NWD2: variants seen among roughly 807,000 people sequenced by gnomAD.
The protein encoded by NWD2 is NACHT and WD repeat domain-containing protein 2.
In NWD2, 37 loss-of-function variants were observed where a neutral mutation model predicts 132.7. That is an observed-to-expected ratio of 0.28 (90% confidence interval 0.21 to 0.37). The LOEUF (loss-of-function observed/expected upper bound fraction) is 0.37. Among genes scored for constraint, NWD2 ranks in the 10% least tolerant of loss-of-function variants. NWD2 has a pLI of 1.00. For synonymous variants in NWD2, 705 were observed against 803.0 expected (o/e 0.88, Z 2.06); for missense variants, 1,592 against 2,122.4 (o/e 0.75, Z 4.91).
chr4:37,260,629 A>G (rs545563793), intron 1 of NWD2, among the ~76,000 whole-genome samples: 18 of 152,348 alleles, frequency 1.2e-4, no homozygotes, highest in African/African-American at 3.4e-4. Flanking sequence ...AAGGAATACA[A>G]CAAAGTTTGT....
chr4:37,401,979 T>C (rs1720906317), intron 3 of NWD2, among the ~76,000 whole-genome samples: 1 of 152,236 alleles, frequency 6.6e-6, no homozygotes, highest in African/African-American at 2.4e-5. Context: ...GTGATGATAT[T>C]AAGAGCTGGG....
At chr4:37,270,113 C>A (rs1577650094) in intron 1 of NWD2, among the ~76,000 whole-genome samples, 1 of 151,622 alleles carries the variant, frequency 6.6e-6, no homozygotes, top group East Asian at 1.9e-4. Flanking sequence ...GTTTATATAT[C>A]TTCTTCTGAG....
intron 1 of NWD2, among the ~76,000 whole-genome samples, chr4:37,272,108 G>T (rs1390741313): frequency 6.6e-6 from 1 of 151,628 alleles, no homozygotes; most frequent in Non-Finnish European, 1.5e-5. Flanking sequence ...GTACATTTTT[G>T]ATTTTCAAAT....
chr4:37,271,577 A>G (rs1422558133), intron 1 of NWD2, among the ~76,000 whole-genome samples: 1 of 151,814 alleles, frequency 6.6e-6, no homozygotes, highest in Non-Finnish European at 1.5e-5. Flanking sequence ...TTATGAGTTC[A>G]AATAATTCTT....
chr4:37,379,057 T>G (rs552664353), intron 3 of NWD2, among the ~76,000 whole-genome samples: 1 of 152,218 alleles, frequency 6.6e-6, no homozygotes, highest in Non-Finnish European at 1.5e-5. Flanking sequence ...CTTGATAATC[T>G]GGACTCCTCA....
chr4:37,287,853 A>G (rs1269091067), intron 1 of NWD2, among the ~76,000 whole-genome samples: 1 of 152,244 alleles, frequency 6.6e-6, no homozygotes, highest in African/African-American at 2.4e-5. Flanking sequence ...ATGAAGATAC[A>G]TGCACACATA....
At chr4:37,289,630 C>T (rs185877029) in intron 1 of NWD2, among the ~76,000 whole-genome samples, 123 of 152,262 alleles carry the variant, frequency 8.1e-4, no homozygotes, top group Non-Finnish European at 1.4e-3. Flanking sequence ...TATTTGTTTA[C>T]GGTTCTCTTC....
chr4:37,434,879 G>A (rs1168012769), intron 5 of NWD2, among the ~76,000 whole-genome samples: 1 of 151,754 alleles, frequency 6.6e-6, no homozygotes, highest in Non-Finnish European at 1.5e-5. Context: ...TTCTGGGCGA[G>A]ATGGGAAGCC....
At chr4:37,291,817 AT>A (rs1365710810) in intron 1 of NWD2, among the ~76,000 whole-genome samples, 5 of 152,216 alleles carry the variant, frequency 3.3e-5, no homozygotes, top group Non-Finnish European at 7.3e-5. Context: ...CAAATATATG[AT>A]AATCAAAATA....
chr4:37,364,854 A>G (rs1199266881), intron 3 of NWD2, among the ~76,000 whole-genome samples: 2 of 152,176 alleles, frequency 1.3e-5, no homozygotes. Flanking sequence ...AGAGAGCTAC[A>G]TTTTGAACGG....
At chr4:37,423,813 C>G (rs1196314784) in intron 3 of NWD2, among the ~76,000 whole-genome samples, 1 of 152,140 alleles carries the variant, frequency 6.6e-6, no homozygotes, top group Non-Finnish European at 1.5e-5. Flanking sequence ...CATCACATCC[C>G]CATTTCTCCA....
intron 2 of NWD2, among the ~76,000 whole-genome samples, chr4:37,346,267 G>T (rs1395897897): frequency 1.3e-5 from 2 of 152,114 alleles, no homozygotes; most frequent in Non-Finnish European, 2.9e-5. Context: ...TGTCAAAAAG[G>T]TTATGGATGT....
intron 2 of NWD2, among the ~76,000 whole-genome samples, chr4:37,326,812 C>T (rs1282781383): frequency 2.0e-5 from 3 of 152,160 alleles, no homozygotes; most frequent in Non-Finnish European, 4.4e-5. Flanking sequence ...GTCTGTGGTG[C>T]AGAAGTGCAA....
rs1252915394 is a variant in NWD2, at chr4:37,310,881, G to T, written c.152-15055G>T. On this transcript the variant is annotated intron_variant, in intron 1 of 6. Coordinates refer to ENST00000309447, the MANE Select transcript of NWD2 (RefSeq NM_001144990.2). ...TCCCACCTATGAGTGAGAACCTGCA[G>T]TGTTTGGTTTTTTGTCCTTGCTATA... 2.0e-5 allele frequency among the ~76,000 whole-genome samples: 3 copies of T among 147,258 alleles called. No individual in the cohort carries two copies. The Admixed American group carries it at 2.1e-4, about 10-fold the overall frequency.
chr4:37,306,495 AGGTTAG>A (rs1275526376), intron 1 of NWD2, among the ~76,000 whole-genome samples: 2 of 152,046 alleles, frequency 1.3e-5, no homozygotes, highest in African/African-American at 4.8e-5. Context: ...TCTATCCCAT[AGGTTAG>A]GATATTTTTC....
intron 1 of NWD2, among the ~76,000 whole-genome samples, chr4:37,324,433 C>G (rs963561432): frequency 1.3e-5 from 2 of 151,728 alleles, no homozygotes; most frequent in African/African-American, 2.4e-5. Flanking sequence ...AATCTAAGGG[C>G]TTTTAGAGAG....
At chr4:37,300,070 A>T (rs1334770718) in intron 1 of NWD2, among the ~76,000 whole-genome samples, 2 of 152,036 alleles carry the variant, frequency 1.3e-5, no homozygotes, top group Admixed American at 6.6e-5. Context: ...CCTCCTTCAT[A>T]CCTGGGAAAG....
intron 3 of NWD2, among the ~76,000 whole-genome samples, chr4:37,409,922 G>T (rs568900382): frequency 2.7e-4 from 41 of 152,202 alleles, no homozygotes; most frequent in Admixed American, 2.6e-3. Flanking sequence ...CATAAGAAAA[G>T]GAGAAATAAA....
chr4:37,287,364 T>G (rs972195371), intron 1 of NWD2, among the ~76,000 whole-genome samples: 3 of 152,202 alleles, frequency 2.0e-5, no homozygotes, highest in African/African-American at 7.2e-5. Context: ...CAGCCAGCAC[T>G]GGGACTCATA....
Sources: allele counts gnomAD v4.1 joint callset (sites outside exome capture counted in the v4.1 genomes callset), GRCh38; gene constraint gnomAD v4.1.1; transcripts MANE v1.5; gene names NCBI Gene and HGNC (gene_info 2026-07-23, HGNC 2026-07-21).